The following WNT2B variants were observed in gnomAD, a reference collection of about 807,000 sequenced individuals.
WNT2B encodes the protein protein Wnt-2b.
Under a neutral mutation model 40.5 loss-of-function variants are expected in WNT2B, and 19 were observed. The ratio of observed to expected loss-of-function variants is 0.47; its 90% CI spans 0.33 to 0.69. The LOEUF (loss-of-function observed/expected upper bound fraction) is 0.69, where lower values mean the gene tolerates loss of function less well. WNT2B is among the 30% of genes least tolerant of loss of function. WNT2B has a pLI of 0.02. For missense variants in WNT2B, 467 were observed against 556.4 expected (o/e 0.84, Z 1.62); for synonymous variants, 220 against 211.9 (o/e 1.04, Z -0.33).
intron 1 of WNT2B, among the ~76,000 whole-genome samples, chr1:112,477,472 C>T (rs1204286729): frequency 5.8e-5 from 2 of 34,574 alleles, no homozygotes; most frequent in Non-Finnish European, 1.1e-4. Flanking sequence ...GCTAAAGAAA[C>T]ATAAAAAAAT....
Position 112,523,786 on chromosome 1 carries a change from G to A in WNT2B, c.*3277G>A, listed in dbSNP as rs1653013604. 6.6e-6 allele frequency: 1 copy of A among 151,904 alleles called. No homozygotes were observed. Among genetic ancestry groups the A allele is most frequent in the Non-Finnish European group, 1.5e-5 (1 of 68,010 alleles). The allele number at this position is 151,904 out of a possible 1,614,324, so 9.4% of individuals were successfully genotyped here. On this transcript the variant is annotated 3_prime_UTR_variant, in exon 5 of 5. Transcript: ENST00000369684. ...ACTTAAAACATACTATATATTTTAAGGATCTAAGAATCCTTTAGAGAAGGC... is the reference window on the plus strand; with the variant it reads ...ACTTAAAACATACTATATATTTTAAAGATCTAAGAATCCTTTAGAGAAGGC...
chr1:112,514,601 C>T (rs1652462055), intron 1 of WNT2B, among the ~76,000 whole-genome samples: 1 of 152,148 alleles, frequency 6.6e-6, no homozygotes. Context: ...ACATGCCTAG[C>T]CTGTGTTCTG....
chr1:112,507,905 G>T (rs1652171946), upstream of WNT2B, among the ~76,000 whole-genome samples: 1 of 152,200 alleles, frequency 6.6e-6, no homozygotes, highest in Admixed American at 6.5e-5. Flanking sequence ...GGGCCACAGT[G>T]CCCGCAGGGC....
In WNT2B at chr1:112,528,170, T is replaced by A. The variant is rs1417075140; in HGVS notation, c.*7661T>A. ...TGAGTTGAATTTTTAAAAGATAGCT[T>A]TATGTGTTTTATGAACTGACTGAGG... On this transcript the variant is annotated 3_prime_UTR_variant, in exon 5 of 5. Coordinates refer to ENST00000369684, the MANE Select transcript of WNT2B (RefSeq NM_024494.3). The A allele has an allele frequency of 6.6e-6, 1 of 152,074 alleles. No homozygotes were observed. Among genetic ancestry groups the A allele is most frequent in the East Asian group, 1.9e-4 (1 of 5,198 alleles). 9.4% of individuals were successfully genotyped at this position (152,074 alleles called of 1,614,324 possible). A position where few individuals can be genotyped will look rare whatever the true frequency, so the allele number is the denominator to read the frequency against.
At chr1:112,473,275 T>G (rs900936295) in intron 1 of WNT2B, among the ~76,000 whole-genome samples, 5 of 151,770 alleles carry the variant, frequency 3.3e-5, no homozygotes, top group Admixed American at 1.3e-4. Flanking sequence ...GAAGGCAGGC[T>G]GGTCAAAATA....
At chr1:112,473,220 AAAGG>A (rs146048351) in intron 1 of WNT2B, among the ~76,000 whole-genome samples, 3,403 of 147,996 alleles carry the variant, frequency 0.023, 125 homozygotes, top group African/African-American at 0.077. Flanking sequence ...GAGGGAGAGG[AAAGG>A]AAGGAAGGAA....
chr1:112,488,814 A>G (rs1651504792), intron 1 of WNT2B, among the ~76,000 whole-genome samples: 1 of 151,918 alleles, frequency 6.6e-6, no homozygotes, highest in Non-Finnish European at 1.5e-5. Context: ...TCGGCCTCCC[A>G]AGGTGCTGGG....
At position 112,517,215 on chromosome 1, in the gene WNT2B, GCCGCACAGGTGATTA is replaced by G; in HGVS notation, c.779_793del (p.Arg260_Tyr264del). The G allele has an allele frequency of 6.2e-7, 1 of 1,614,154 alleles. No individual in the cohort carries two copies. The highest frequency in any genetic ancestry group is 8.5e-7 in the Non-Finnish European group (1 of 1,180,034). On this transcript the variant is annotated inframe_deletion, in exon 4 of 5. Coordinates refer to ENST00000369684, the MANE Select transcript of WNT2B (RefSeq NM_024494.3). ...TGCTGGCGTGCACTCTCAGATTTCC[GCCGCACAGGTGATTA>G]CCTGCGGCGACGCTATGATGGGGCT...
At chr1:112,490,250 G>A (rs1372831685) in intron 1 of WNT2B, among the ~76,000 whole-genome samples, 1 of 152,186 alleles carries the variant, frequency 6.6e-6, no homozygotes, top group Non-Finnish European at 1.5e-5. Flanking sequence ...GGAGTGACAA[G>A]TAACTGTTGG....
At chr1:112,497,594 C>T (rs1307195598) in intron 1 of WNT2B, among the ~76,000 whole-genome samples, 1 of 152,254 alleles carries the variant, frequency 6.6e-6, no homozygotes, top group African/African-American at 2.4e-5. Context: ...CCACAAAGAC[C>T]TCCAAAATGT....
chr1:112,473,164 A>G (rs1313393368), intron 1 of WNT2B, among the ~76,000 whole-genome samples: 1 of 129,354 alleles, frequency 7.7e-6, no homozygotes, highest in Non-Finnish European at 1.6e-5. Context: ...GAAAAGAAAG[A>G]GAGGAAGGGA....
intron 1 of WNT2B, among the ~76,000 whole-genome samples, chr1:112,478,571 T>G (rs1260333566): frequency 5.3e-5 from 8 of 151,698 alleles, no homozygotes; most frequent in African/African-American, 1.9e-4. Context: ...ACCCAAGTAC[T>G]GAAAGAAAAA....
At chr1:112,469,579 GTTGT>G (rs565304356) in intron 1 of WNT2B, among the ~76,000 whole-genome samples, 1 of 148,782 alleles carries the variant, frequency 6.7e-6, no homozygotes, top group Non-Finnish European at 1.5e-5. Flanking sequence ...TAGGTTTTTT[GTTGT>G]TTGTTTGTTT....
intron 1 of WNT2B, among the ~76,000 whole-genome samples, chr1:112,485,372 G>C (rs1253320090): frequency 1.3e-5 from 2 of 151,732 alleles, no homozygotes; most frequent in African/African-American, 4.8e-5. Context: ...GAGGCACGAG[G>C]ATTGCTTGAA....
At chr1:112,513,130 CAAAA>C (rs58711850) in intron 1 of WNT2B, among the ~76,000 whole-genome samples, 1 of 151,472 alleles carries the variant, frequency 6.6e-6, no homozygotes, top group South Asian at 2.1e-4. Flanking sequence ...TAAAAAAAAA[CAAAA>C]AAACACACCC....
rs1205522750 is a variant in WNT2B at position 112,520,391 on chromosome 1, C to A, written c.1058C>A (p.Thr353Asn). 5.6e-6 allele frequency: 9 copies of A among 1,614,042 alleles called. No individual in the cohort carries two copies. The highest frequency in any genetic ancestry group is 7.6e-6 in the Non-Finnish European group (9 of 1,180,032). Residue 353 changes from threonine (T) to asparagine (N), a missense_variant, in exon 5 of 5, where the codon ACC becomes AAC. Around this residue, in one of 2 missense-constraint regions of WNT2B, gnomAD observed 330 missense variants for 438.6 expected, o/e 0.75. Coordinates refer to ENST00000369684, the MANE Select transcript of WNT2B (RefSeq NM_024494.3). ...GYDTTRVTRV[T>N]QCECKFHWCC... is the part of the protein sequence containing the mutation. ...GACACAACTCGAGTCACCCGTGTTA[C>A]CCAGTGTGAGTGCAAATTCCACTGG...
At chr1:112,467,181 A>C (rs756489277) in exon 1 of WNT2B, 6 of 282,794 alleles carry the variant, frequency 2.1e-5, no homozygotes, top group African/African-American at 2.2e-5. Flanking sequence ...TATACAGTGC[A>C]CCAAGTTGCC....
rs139263372 is a variant in WNT2B, at chr1:112,521,627, C to T, written c.*1118C>T. On this transcript the variant is annotated 3_prime_UTR_variant, in exon 5 of 5. Transcript: ENST00000369684. ...ATACACAGCTTAGAAGGCAGCCTTC[C>T]TCCACTTACTCAACAAATCTTTATT... 6.6e-6 allele frequency: 1 copy of T among 152,352 alleles called. No individual in the cohort carries two copies. The highest frequency in any genetic ancestry group is 1.9e-4 in the East Asian group (1 of 5,188). The allele number at this position is 152,352 out of a possible 1,614,324, so 9.4% of individuals were successfully genotyped here. A position where few individuals can be genotyped will look rare whatever the true frequency, so the allele number is the denominator to read the frequency against.
intron 1 of WNT2B, among the ~76,000 whole-genome samples, chr1:112,474,591 A>T (rs372576552): frequency 6.6e-6 from 1 of 152,246 alleles, no homozygotes; most frequent in African/African-American, 2.4e-5. Flanking sequence ...GAGGAAAAAA[A>T]CTGTCAACCT....
Sources: gnomAD v4.1 joint callset for allele counts (sites outside exome capture counted in the v4.1 genomes callset) on GRCh38, gnomAD v4.1.1 for gene constraint, gnomAD v4.1.1 regional missense constraint, MANE v1.5 for transcripts, NCBI Gene and HGNC (gene_info 2026-07-23, HGNC 2026-07-21) for gene names.